The following RHBDF2 variants were observed in gnomAD, a reference collection of about 807,000 sequenced individuals.
RHBDF2 encodes the protein rhomboid 5 homolog 2.
Under a neutral mutation model 95.2 loss-of-function variants are expected in RHBDF2, and 38 were observed. The ratio of observed to expected loss-of-function variants is 0.40; its 90% CI spans 0.31 to 0.52. RHBDF2 has a LOEUF of 0.52. Among genes scored for constraint, RHBDF2 ranks in the 20% least tolerant of loss-of-function variants. The pLI is 0.56. For synonymous variants in RHBDF2, 442 were observed against 462.0 expected (o/e 0.96, Z 0.55); for missense variants, 863 against 1,137.7 (o/e 0.76, Z 3.47).
At position 76,473,701 on chromosome 17, in the gene RHBDF2, C is replaced by T. The variant is rs762906914; in HGVS notation, c.1680G>A (p.Leu560=). ...EQARSNHTGF[L]HMDCEIKGRP... The stretch of plus-strand genomic sequence containing the variant: ...GGCCCTTGATCTCGCAGTCCATGTG[C>T]AGGAAGCCTGTGTGGTTGCTCCTGG... The change falls in exon 15 of 19, where the codon CTG becomes CTA. Residue 560 remains leucine, a synonymous_variant. Coordinates refer to ENST00000675367, the MANE Select transcript of RHBDF2 (RefSeq NM_001005498.4). 1.5e-5 allele frequency: 24 copies of T among 1,612,516 alleles called. No individual in the cohort carries two copies. The highest frequency in any genetic ancestry group is 2.0e-5 in the Non-Finnish European group (24 of 1,179,456).
chr17:76,496,246 G>A (rs1019946968), intron 1 of RHBDF2, among the ~76,000 whole-genome samples: 2 of 152,222 alleles, frequency 1.3e-5, no homozygotes, highest in South Asian at 4.1e-4. Context: ...TCCTGGCTGA[G>A]CTCTGCCACC....
intron 1 of RHBDF2, among the ~76,000 whole-genome samples, chr17:76,491,093 A>G (rs952486867): frequency 6.6e-6 from 1 of 151,984 alleles, no homozygotes; most frequent in Admixed American, 6.5e-5. Flanking sequence ...CCCTCTTTGG[A>G]GGGCTCCACT....
intron 14 of RHBDF2, 24 bp from the exon 15 acceptor site, chr17:76,473,766 G>A (rs1317921770): frequency 1.2e-6 from 2 of 1,611,714 alleles, no homozygotes; most frequent in East Asian, 2.2e-5. Context: ...GCACCGGCAG[G>A]GAAGTGGGCT....
chr17:76,474,262 A>T (rs1364211196), intron 12 of RHBDF2, 111 bp downstream of exon 12: 35 of 1,388,550 alleles, frequency 2.5e-5, no homozygotes, highest in Non-Finnish European at 3.3e-5. Context: ...GGGGTCTGGG[A>T]AAGGTGGGGC....
Position 76,491,051 on chromosome 17 carries a change from C to A in RHBDF2, c.-219-3142G>T, listed in dbSNP as rs138257502. On this transcript the variant is annotated intron_variant, in intron 1 of 18. Transcript: ENST00000675367. ...TATGTCAGCCCTGGACAGAAGGGGT[C>A]TCCCTCATCCTGCAGCTGGTCCAGG... 1.7e-3 allele frequency among the ~76,000 whole-genome samples: 260 copies of A among 152,244 alleles called. 3 individuals carry two copies. Among genetic ancestry groups the A allele is most frequent in the African/African-American group, 6.1e-3 (252 of 41,546 alleles).
chr17:76,477,386 G>T, intron 7 of RHBDF2, 88 bp from the exon 8 acceptor site: 1 of 1,440,930 alleles, frequency 6.9e-7, no homozygotes, highest in Non-Finnish European at 9.4e-7. Flanking sequence ...GGACACAGCT[G>T]AACAGACGGG....
At position 76,471,505 on chromosome 17, in the gene RHBDF2, AG is replaced by A; in HGVS notation, c.*127del. ...AGCCTCGCCTGGCAGGGGGGCACCC[AG>A]GTCCAGAGCCCGGGCCCTGTCTTGG... is the stretch of plus-strand genomic sequence containing the variant. On this transcript the variant is annotated 3_prime_UTR_variant, in exon 19 of 19. Transcript: ENST00000675367. 1 of 1,097,760 alleles carries A rather than the reference AG, an allele frequency of 9.1e-7. No homozygotes were observed. The highest frequency in any genetic ancestry group is 1.3e-6 in the Non-Finnish European group (1 of 784,228). The allele number at this position is 1,097,760 out of a possible 1,614,324, so 68.0% of individuals were successfully genotyped here. A position where few individuals can be genotyped will look rare whatever the true frequency, so the allele number is the denominator to read the frequency against.
chr17:76,489,325 G>GTTTTTTTTT (rs71161301), intron 1 of RHBDF2, among the ~76,000 whole-genome samples: 1 of 131,698 alleles, frequency 7.6e-6, no homozygotes. Context: ...GGGCATTCCT[G>GTTTTTTTTT]TTTTTTTTTT....
intron 2 of RHBDF2, among the ~76,000 whole-genome samples, chr17:76,484,452 A>G (rs2074061798): frequency 6.6e-6 from 1 of 151,810 alleles, no homozygotes; most frequent in African/African-American, 2.4e-5. Context: ...TCGGCGAGAC[A>G]GCAGCCATCT....
intron 7 of RHBDF2, 84 bp downstream of exon 7, chr17:76,477,546 GTGGGCCTCTGGGTCCCTCAGGGGTTCC>G (rs2073813607): frequency 7.9e-7 from 1 of 1,272,754 alleles, no homozygotes. Flanking sequence ...CATCCCAGCA[GTGGGCCTCTGGGTCCCTCAGGGGTTCC>G]TGAATATGAT....
At chr17:76,475,735 T>C (rs1260225711) in intron 9 of RHBDF2, among the ~76,000 whole-genome samples, 1 of 151,132 alleles carries the variant, frequency 6.6e-6, no homozygotes. Flanking sequence ...GCACCCACCA[T>C]ACCTGCCTAA....
rs780991009 is a variant in RHBDF2, at chr17:76,474,016, G to A, written c.1574+17C>T. 8.1e-6 allele frequency: 13 copies of A among 1,608,540 alleles called. No homozygotes were observed. The highest frequency in any genetic ancestry group is 1.1e-5 in the Non-Finnish European group (13 of 1,175,652). Reference sequence around the variant, plus strand: ...CTATGCCTGACCCTGAGGCCCAGCAGAGGCTCCAGGCCCTACCTGGGGTCC... The same window carrying A: ...CTATGCCTGACCCTGAGGCCCAGCAAAGGCTCCAGGCCCTACCTGGGGTCC... On this transcript the variant is annotated intron_variant, in intron 13 of 18. Transcript: ENST00000675367.
Position 76,471,280 on chromosome 17 carries a change from C to T in RHBDF2, c.*353G>A. 1 of 250,568 alleles carries T rather than the reference C, an allele frequency of 4.0e-6. No homozygotes were observed. The highest frequency in any genetic ancestry group is 7.7e-6 in the Non-Finnish European group (1 of 129,722). 15.5% of individuals were successfully genotyped at this position (250,568 alleles called of 1,614,324 possible). ...TCCAGTAGTAGTGGGGGAGAAGGCA[C>T]CAGCAGAGGCAGCGCTGAGGACCTG... On this transcript the variant is annotated 3_prime_UTR_variant, in exon 19 of 19. Coordinates refer to ENST00000675367, the MANE Select transcript of RHBDF2 (RefSeq NM_001005498.4).
Position 76,474,070 on chromosome 17 carries a change from T to G in RHBDF2, c.1537A>C (p.Lys513Gln). 6.2e-7 allele frequency: 1 copy of G among 1,613,004 alleles called. No individual in the cohort carries two copies. The highest frequency in any genetic ancestry group is 1.1e-5 in the South Asian group (1 of 91,032). ...TGGCAGACAGCCCCCGAAGTCCGCT[T>G]CTGGCCCAGATCAGACTTGTCCATG... ...PPMDKSDLGQ[K>Q]RTSGAVCHQD... Residue 513 changes from lysine to glutamine, a missense_variant, in exon 13 of 19, where the codon AAG (lysine) becomes CAG (glutamine). Coordinates refer to ENST00000675367, the MANE Select transcript of RHBDF2 (RefSeq NM_001005498.4).
At chr17:76,487,160 T>C (rs9906729) in intron 2 of RHBDF2, among the ~76,000 whole-genome samples, 142,191 of 151,712 alleles carry the variant, frequency 0.94, 67,360 homozygotes, top group East Asian at 1. Flanking sequence ...GGTTTCTCCA[T>C]GTTGGTCAGG....
chr17:76,473,615 G>T, intron 15 of RHBDF2, 33 bp downstream of exon 15: 1 of 1,555,422 alleles, frequency 6.4e-7, no homozygotes, highest in East Asian at 2.3e-5. Flanking sequence ...GGGGGGCAGT[G>T]GGATGGCTGA....
At position 76,471,800 on chromosome 17, in the gene RHBDF2, G is replaced by A. The variant is rs1196107833; in HGVS notation, c.2317C>T (p.Arg773Trp). 15 of 1,604,948 alleles carry A rather than the reference G, an allele frequency of 9.3e-6. No homozygotes were observed. In the African/African-American group the frequency reaches 9.4e-5, roughly 10 times the overall value. ...AGCAGTGACACCAGGATGAGTGCCC[G>A]CTTGCGGTACTTGTCGCTGGTGCCG... ...TFGTSDKYRKRALILVSLLAF... is the reference protein window; with the variant it reads ...TFGTSDKYRKWALILVSLLAF... The change falls in exon 19 of 19, where the codon CGG (arginine) becomes TGG (tryptophan). Residue 773 changes from arginine to tryptophan, a missense_variant. This residue lies in a region of RHBDF2 where 252 missense variants were observed against 412.2 expected (regional missense o/e 0.61). Transcript: ENST00000675367.
Position 76,475,068 on chromosome 17 carries a change from C to G in RHBDF2, c.1189G>C (p.Ala397Pro), listed in dbSNP as rs148300552. The G allele has an allele frequency of 6.3e-7, 1 of 1,596,726 alleles. No homozygotes were observed. The highest frequency in any genetic ancestry group is 8.5e-7 in the Non-Finnish European group (1 of 1,172,560). Residue 397 changes from alanine (A) to proline (P), a missense_variant, in exon 10 of 19, where the codon GCA (alanine) becomes CCA (proline). Ala to Pro is a conservative substitution (Grantham distance 27). Coordinates refer to ENST00000675367, the MANE Select transcript of RHBDF2 (RefSeq NM_001005498.4). Reference sequence around the variant, plus strand: ...ACGTGCTGGGCAAAGCCCACGGGTGCGATGCCATACGTGCAAATCACCAGC... The same window carrying G: ...ACGTGCTGGGCAAAGCCCACGGGTGGGATGCCATACGTGCAAATCACCAGC... ...TLLVICTYGIAPVGFAQHVTT... is the reference protein window; with the variant it reads ...TLLVICTYGIPPVGFAQHVTT...
At chr17:76,490,707 C>G (rs1451482190) in intron 1 of RHBDF2, among the ~76,000 whole-genome samples, 1 of 152,120 alleles carries the variant, frequency 6.6e-6, no homozygotes, top group Non-Finnish European at 1.5e-5. Context: ...GGCCTGCCCT[C>G]CCTGCCACAC....
Sources: allele counts gnomAD v4.1 joint callset (sites outside exome capture counted in the v4.1 genomes callset), GRCh38; gene constraint gnomAD v4.1.1; regional missense constraint gnomAD v4.1.1; transcripts MANE v1.5; gene names NCBI Gene and HGNC (gene_info 2026-07-23, HGNC 2026-07-21).